Variants in RHOBTB1 observed in about 807,000 individuals in gnomAD.
The protein encoded by RHOBTB1 is rho-related BTB domain-containing protein 1.
A neutral mutation model predicts 71.6 loss-of-function variants in RHOBTB1; 40 were observed. That is an observed-to-expected ratio of 0.56 (90% CI 0.43 to 0.73). The LOEUF is 0.73. RHOBTB1 is among the 30% of genes least tolerant of loss of function. The pLI, the probability that RHOBTB1 is intolerant of heterozygous loss-of-function variation, is 0.00. For synonymous variants in RHOBTB1, 319 were observed against 334.9 expected (o/e 0.95, Z 0.52); for missense variants, 797 against 894.0 (o/e 0.89, Z 1.38).
intron 2 of RHOBTB1, among the ~76,000 whole-genome samples, chr10:60,982,517 G>A (rs1434787781): frequency 6.6e-6 from 1 of 152,000 alleles, no homozygotes. Context: ...CTCTGTTGTT[G>A]GGGGCCATCC....
chr10:60,917,671 C>T (rs1365785714), intron 2 of RHOBTB1, among the ~76,000 whole-genome samples: 1 of 152,176 alleles, frequency 6.6e-6, no homozygotes, highest in Admixed American at 6.5e-5. Flanking sequence ...AATTACCTCT[C>T]CAACAGCCCG....
intron 1 of RHOBTB1, among the ~76,000 whole-genome samples, chr10:61,000,816 A>T (rs1236046394): frequency 1.3e-5 from 2 of 152,146 alleles, no homozygotes; most frequent in African/African-American, 2.4e-5. Context: ...GCCTCAATAA[A>T]TCAAAGTCTA....
chr10:60,998,725 T>C (rs1415718136), intron 1 of RHOBTB1, among the ~76,000 whole-genome samples: 1 of 152,204 alleles, frequency 6.6e-6, no homozygotes, highest in African/African-American at 2.4e-5. Flanking sequence ...CTTCTATCTC[T>C]GAGAGATAAT....
chr10:60,931,721 T>C (rs1481983784), intron 2 of RHOBTB1, among the ~76,000 whole-genome samples: 2 of 152,096 alleles, frequency 1.3e-5, no homozygotes, highest in African/African-American at 2.4e-5. Flanking sequence ...ATATAAAGCA[T>C]AGAGAGCCTG....
At chr10:60,901,439 T>C (rs906557155) in intron 4 of RHOBTB1, among the ~76,000 whole-genome samples, 4 of 152,216 alleles carry the variant, frequency 2.6e-5, no homozygotes, top group African/African-American at 9.6e-5. Context: ...GTGTATCTTG[T>C]ATGTTGACTT....
At chr10:60,880,204 A>T (rs10821849) in intron 7 of RHOBTB1, among the ~76,000 whole-genome samples, 37,801 of 104,990 alleles carry the variant, frequency 0.36, 5,469 homozygotes, top group African/African-American at 0.46. Context: ...TGTGTGTGTG[A>T]GAGAGAGAGA....
At chr10:60,999,061 C>T (rs981981663) in intron 1 of RHOBTB1, among the ~76,000 whole-genome samples, 2 of 152,190 alleles carry the variant, frequency 1.3e-5, no homozygotes, top group African/African-American at 2.4e-5. Context: ...ATCACAGCTG[C>T]TCCGGAAATG....
At chr10:60,942,092 G>T (rs933886815) in intron 1 of RHOBTB1, among the ~76,000 whole-genome samples, 1 of 151,874 alleles carries the variant, frequency 6.6e-6, no homozygotes, top group Non-Finnish European at 1.5e-5. Flanking sequence ...CTCTTGGGAC[G>T]ATACCAAAAA....
rs779667108 is a variant in RHOBTB1, at chr10:60,872,311, G to A, written c.1816-21C>T. 3.8e-6 allele frequency: 6 copies of A among 1,572,426 alleles called. No homozygotes were observed. In the African/African-American group the frequency reaches 8.1e-5, roughly 21 times the overall value. On this transcript the variant is annotated intron_variant, in intron 9 of 10. Coordinates refer to ENST00000337910, the MANE Select transcript of RHOBTB1 (RefSeq NM_014836.5). The stretch of plus-strand genomic sequence containing the variant: ...TGAAACTGCAGAAAAGTGAGCAAAA[G>A]GAGGGTAAGACTATTTTCTAAAGAG...
intron 7 of RHOBTB1, among the ~76,000 whole-genome samples, chr10:60,881,683 G>A (rs1312047921): frequency 6.6e-6 from 1 of 152,160 alleles, no homozygotes; most frequent in Non-Finnish European, 1.5e-5. Context: ...GGAAACTCTG[G>A]GTTTTGAAAA....
Position 60,961,180 on chromosome 10 carries a change from C to T in RHOBTB1, c.-61-19326G>A, listed in dbSNP as rs73266091. ...GATGTTCAAGAGGCACTGTGGCATGCCATGCAAATTACACTCAAAATAGAG... is the reference window on the plus strand; with the variant it reads ...GATGTTCAAGAGGCACTGTGGCATGTCATGCAAATTACACTCAAAATAGAG... On this transcript the variant is annotated intron_variant, in intron 2 of 11. Transcript: ENST00000357917. 5.2e-3 allele frequency among the ~76,000 whole-genome samples: 797 copies of T among 152,140 alleles called. 12 individuals are homozygous for T. Among genetic ancestry groups the T allele is most frequent in the African/African-American group, 0.018 (738 of 41,500 alleles).
intron 2 of RHOBTB1, among the ~76,000 whole-genome samples, chr10:60,922,432 AC>A (rs2083620504): frequency 6.6e-6 from 1 of 152,184 alleles, no homozygotes; most frequent in South Asian, 2.1e-4. Flanking sequence ...CTACAACAGT[AC>A]CAGAAACTAA....
chr10:60,893,742 T>C (rs530409521), intron 4 of RHOBTB1, among the ~76,000 whole-genome samples: 1 of 152,362 alleles, frequency 6.6e-6, no homozygotes, highest in African/African-American at 2.4e-5. Context: ...AACTGCTTTA[T>C]AGTAAATTTT....
At position 60,875,062 on chromosome 10, in the gene RHOBTB1, C is replaced by G; in HGVS notation, c.1727-20G>C. ...GCTGTTCTGGGGAAGAGAGAGGGGGCAGGAGAACATTAAACCACGCCCTGC... is the reference window on the plus strand; with the variant it reads ...GCTGTTCTGGGGAAGAGAGAGGGGGGAGGAGAACATTAAACCACGCCCTGC... On this transcript the variant is annotated intron_variant, in intron 8 of 10. Coordinates refer to ENST00000337910, the MANE Select transcript of RHOBTB1 (RefSeq NM_014836.5). The G allele has an allele frequency of 6.2e-7, 1 of 1,604,460 alleles. No individual in the cohort carries two copies. Among genetic ancestry groups the G allele is most frequent in the Non-Finnish European group, 8.5e-7 (1 of 1,171,372 alleles).
chr10:60,878,519 C>T (rs1235774316), intron 7 of RHOBTB1, among the ~76,000 whole-genome samples: 1 of 152,192 alleles, frequency 6.6e-6, no homozygotes, highest in Non-Finnish European at 1.5e-5. Context: ...GCCACAGTGA[C>T]CAGCTTGATT....
upstream of RHOBTB1, among the ~76,000 whole-genome samples, chr10:60,946,327 C>T (rs529129414): frequency 6.6e-6 from 1 of 152,306 alleles, no homozygotes; most frequent in Admixed American, 6.5e-5. Context: ...CAGTCCTCTT[C>T]ATTACAAGCT....
At chr10:60,950,696 A>T (rs1014755128) in intron 2 of RHOBTB1, among the ~76,000 whole-genome samples, 23 of 152,218 alleles carry the variant, frequency 1.5e-4, no homozygotes, top group African/African-American at 4.8e-4. Context: ...AATGTTTTGT[A>T]AGATGTAAAG....
intron 2 of RHOBTB1, among the ~76,000 whole-genome samples, chr10:60,938,228 A>G (rs1352975175): frequency 6.6e-6 from 1 of 152,220 alleles, no homozygotes; most frequent in Non-Finnish European, 1.5e-5. Flanking sequence ...TTCTCTTATC[A>G]GCATTTCTGG....
intron 7 of RHOBTB1, among the ~76,000 whole-genome samples, chr10:60,881,999 G>A (rs1371281293): frequency 2.0e-5 from 3 of 152,018 alleles, no homozygotes; most frequent in Non-Finnish European, 4.4e-5. Context: ...AATAAACTAA[G>A]AACACTTTTG....
Sources: gnomAD v4.1 joint callset for allele counts (sites outside exome capture counted in the v4.1 genomes callset) on GRCh38, gnomAD v4.1.1 for gene constraint, MANE v1.5 for transcripts, NCBI Gene and HGNC (gene_info 2026-07-23, HGNC 2026-07-21) for gene names.